The following OSR2 variants were observed in gnomAD, a reference collection of about 807,000 sequenced individuals.
The protein encoded by OSR2 is protein odd-skipped-related 2.
A neutral mutation model predicts 22.3 loss-of-function variants in OSR2; 8 were observed. That is an observed-to-expected ratio of 0.36 (90% CI 0.21 to 0.65). The LOEUF (loss-of-function observed/expected upper bound fraction) is 0.65, where lower values mean the gene tolerates loss of function less well. OSR2 is among the 30% of genes least tolerant of loss of function. The probability of loss-of-function intolerance (pLI) is 0.66; values close to 1 mark genes in which losing one functional copy is unlikely to be tolerated. For missense variants in OSR2, 311 were observed against 413.4 expected (o/e 0.75, Z 2.15); for synonymous variants, 179 against 173.8 (o/e 1.03, Z -0.23).
chr8:98,948,440 G>C lies in OSR2; in HGVS notation c.-114-399G>C. 8.7e-7 allele frequency: 1 copy of C among 1,154,706 alleles called. No homozygotes were observed. Among genetic ancestry groups the C allele is most frequent in the Non-Finnish European group, 1.1e-6 (1 of 930,386 alleles). The allele number at this position is 1,154,706 out of a possible 1,614,324, so 71.5% of individuals were successfully genotyped here. A position where few individuals can be genotyped will look rare whatever the true frequency, so the allele number is the denominator to read the frequency against. On this transcript the variant is annotated intron_variant, in intron 1 of 3. Transcript: ENST00000297565. The surrounding 1 kb of genome is among the most constrained non-coding windows in gnomAD (Gnocchi z 6.0). The stretch of plus-strand genomic sequence containing the variant: ...GACAGAGGTTCGCCCCGGCCTGCTA[G>C]CATTGGCATTGCGGTTGACTGAGCT...
rs1840669544 is a variant in OSR2 at position 98,948,278 on chromosome 8, C to T, written c.-114-561C>T. The stretch of plus-strand genomic sequence containing the variant: ...GGCCCAGGAGGATGAAGCGCGCCGG[C>T]TTCGCTCTTGCACGCCGGCTTGCCA... On this transcript the variant is annotated intron_variant, in intron 1 of 3. Transcript: ENST00000297565. This position sits in a 1 kb window ranked among gnomAD's most constrained non-coding sequence, Gnocchi z 6.0. The T allele has an allele frequency of 2.0e-6, 3 of 1,517,046 alleles. No individual in the cohort carries two copies. Among genetic ancestry groups the T allele is most frequent in the East Asian group, 2.5e-5 (1 of 40,122 alleles). 94.0% of individuals were successfully genotyped at this position (1,517,046 alleles called of 1,614,324 possible).
Position 98,948,452 on chromosome 8 carries a change from C to G in OSR2, c.-114-387C>G. 9.4e-7 allele frequency: 1 copy of G among 1,066,906 alleles called. No homozygotes were observed. The highest frequency in any genetic ancestry group is 1.9e-5 in the South Asian group (1 of 52,684). The allele number at this position is 1,066,906 out of a possible 1,614,324, so 66.1% of individuals were successfully genotyped here. A position where few individuals can be genotyped will look rare whatever the true frequency, so the allele number is the denominator to read the frequency against. On this transcript the variant is annotated intron_variant, in intron 1 of 3. Transcript: ENST00000297565. The surrounding 1 kb of genome is among the most constrained non-coding windows in gnomAD (Gnocchi z 6.0). ...CCCCGGCCTGCTAGCATTGGCATTG[C>G]GGTTGACTGAGCTTCGCCTAACAGG...
chr8:98,951,462 A>G (rs1373347345), intron 3 of OSR2, 57 bp from the exon 4 acceptor site: 2 of 1,471,748 alleles, frequency 1.4e-6, no homozygotes, highest in Non-Finnish European at 1.8e-6. Flanking sequence ...AAACTATTGA[A>G]AAGGGTGCAG....
chr8:98,951,144 T>A (rs983696546), intron 3 of OSR2: 1 of 456,614 alleles, frequency 2.2e-6, no homozygotes, highest in African/African-American at 2.0e-5. Context: ...GAGGAATAGT[T>A]TAGTTTTCCA....
At chr8:98,950,993 A>G in intron 3 of OSR2, 2 of 595,812 alleles carry the variant, frequency 3.4e-6, no homozygotes, top group East Asian at 2.8e-5. Context: ...CTAATTTTAG[A>G]ATTTTTTTCA....
chr8:98,949,335 A>G lies in OSR2; in HGVS notation c.383A>G (p.Glu128Gly), dbSNP rs748047740. Reference protein sequence around the residue: ...FANLAVAATQEDPPKMGDLSK... With the variant: ...FANLAVAATQGDPPKMGDLSK... ...AATTTGGCGGTGGCTGCCACGCAAG[A>G]GGATCCGCCTAAGATGGGAGACCTG... The change falls in exon 2 of 4, where the codon GAG becomes GGG. Residue 128 changes from glutamate (E) to glycine (G), a missense_variant. Around this residue, in one of 5 missense-constraint regions of OSR2, gnomAD observed 53 missense variants for 59.5 expected, o/e 0.89. Coordinates refer to ENST00000297565, the MANE Select transcript of OSR2 (RefSeq NM_001142462.3). This position sits in a 1 kb window ranked among gnomAD's most constrained non-coding sequence, Gnocchi z 5.9. The G allele has an allele frequency of 4.3e-6, 7 of 1,613,186 alleles. No homozygotes were observed. In the African/African-American group the frequency reaches 9.3e-5, roughly 22 times the overall value.
chr8:98,945,925 C>T (rs1221489134), intron 1 of OSR2: 1 of 152,186 alleles, frequency 6.6e-6, no homozygotes, highest in Admixed American at 6.5e-5. Flanking sequence ...CAGATGAACC[C>T]TGACTGTATA....
At position 98,948,904 on chromosome 8, in the gene OSR2, T is replaced by C. The variant is rs1208702372; in HGVS notation, c.-49T>C. ...GAGCCCCACGCCCTCCGGCCTCTGA[T>C]TCCTGGAAGAAAGGGTTGGTCCCCT... On this transcript the variant is annotated 5_prime_UTR_variant, in exon 2 of 4. Transcript: ENST00000297565. This position sits in a 1 kb window ranked among gnomAD's most constrained non-coding sequence, Gnocchi z 6.0. 1 of 1,613,468 alleles carries C rather than the reference T, an allele frequency of 6.2e-7. No homozygotes were observed. The highest frequency in any genetic ancestry group is 8.5e-7 in the Non-Finnish European group (1 of 1,179,852).
rs1217219852 is a variant in OSR2 at position 98,948,964 on chromosome 8, G to A, written c.12G>A (p.Lys4=). 5 of 1,613,968 alleles carry A rather than the reference G, an allele frequency of 3.1e-6. 1 individual carries two copies. Among genetic ancestry groups the A allele is most frequent in the African/African-American group, 1.3e-5 (1 of 75,066 alleles). The change falls in exon 2 of 4, where the codon AAG becomes AAA. Residue 4 remains lysine, a synonymous_variant. Coordinates refer to ENST00000297565, the MANE Select transcript of OSR2 (RefSeq NM_001142462.3). This position sits in a 1 kb window ranked among gnomAD's most constrained non-coding sequence, Gnocchi z 6.0. ...CAGCATCCCGGAAAATGGGGAGCAA[G>A]GCTCTGCCAGCGCCCATCCCGCTCC... MGS[K]ALPAPIPLHP... is the part of the protein sequence containing the mutation.
Position 98,950,994 on chromosome 8 carries a change from ATTT to A in OSR2, c.756+244_756+246del. The A allele has an allele frequency of 1.0e-5, 6 of 594,318 alleles. No homozygotes were observed. The South Asian group carries it at 1.3e-4, about 13-fold the overall frequency. The allele number at this position is 594,318 out of a possible 1,614,324, so 36.8% of individuals were successfully genotyped here. A position where few individuals can be genotyped will look rare whatever the true frequency, so the allele number is the denominator to read the frequency against. On this transcript the variant is annotated intron_variant, in intron 3 of 3. Transcript: ENST00000297565. ...GATTATCATAAATCCTAATTTTAGA[ATTT>A]TTTTCATCCAATCTGTCCTGCATTT... is the stretch of plus-strand genomic sequence containing the variant.
chr8:98,948,170 T>C lies in OSR2; in HGVS notation c.-114-669T>C, dbSNP rs1315573616. ...CTTTCCTGCGGCCCGTCACCGCTGA[T>C]AGATGGGGCTGAGGGCAGAGGAAGG... On this transcript the variant is annotated intron_variant, in intron 1 of 3. Coordinates refer to ENST00000297565, the MANE Select transcript of OSR2 (RefSeq NM_001142462.3). The surrounding 1 kb of genome is among the most constrained non-coding windows in gnomAD (Gnocchi z 6.0). The C allele has an allele frequency of 3.6e-6, 5 of 1,385,786 alleles. No individual in the cohort carries two copies. The South Asian group carries it at 8.1e-5, about 22-fold the overall frequency. 85.8% of individuals were successfully genotyped at this position (1,385,786 alleles called of 1,614,324 possible).
At position 98,951,727 on chromosome 8, in the gene OSR2, G is replaced by C; in HGVS notation, c.*26G>C. On this transcript the variant is annotated 3_prime_UTR_variant, in exon 4 of 4. Transcript: ENST00000297565. ...AGAAGCCCAGGATCTGTCCCGTGCC[G>C]CCGCTGCTCCCCTCCCCAGACACCT... 1 of 1,588,990 alleles carries C rather than the reference G, an allele frequency of 6.3e-7. No individual in the cohort carries two copies. The highest frequency in any genetic ancestry group is 8.6e-7 in the Non-Finnish European group (1 of 1,168,530).
chr8:98,948,489 T>C lies in OSR2; in HGVS notation c.-114-350T>C. The C allele has an allele frequency of 1.8e-4, 3 of 16,358 alleles. No individual in the cohort carries two copies. The highest frequency in any genetic ancestry group is 8.3e-4 in the African/African-American group (1 of 1,208). The allele number at this position is 16,358 out of a possible 1,614,324, so 1.0% of individuals were successfully genotyped here. On this transcript the variant is annotated intron_variant, in intron 1 of 3. Transcript: ENST00000297565. The surrounding 1 kb of genome is among the most constrained non-coding windows in gnomAD (Gnocchi z 6.0). ...CTTCGCCTAACAGGCTTGGGGAGGGTGGGCTGGGCTGGGCTGGGCTGGGCT... is the reference window on the plus strand; with the variant it reads ...CTTCGCCTAACAGGCTTGGGGAGGGCGGGCTGGGCTGGGCTGGGCTGGGCT...
At chr8:98,947,195 C>T (rs1840632851) in intron 1 of OSR2, among the ~76,000 whole-genome samples, 1 of 151,588 alleles carries the variant, frequency 6.6e-6, no homozygotes, top group Non-Finnish European at 1.5e-5. Flanking sequence ...AGCCTGAACT[C>T]CCAGACCGCA....
intron 3 of OSR2, 132 bp from the exon 4 acceptor site, chr8:98,951,387 C>A: frequency 1.1e-6 from 1 of 871,520 alleles, no homozygotes; most frequent in Non-Finnish European, 1.7e-6. Context: ...GGATTTGTTC[C>A]TGCAAGTCTC....
intron 1 of OSR2, chr8:98,946,108 C>T (rs923299587): frequency 9.2e-5 from 14 of 152,374 alleles, no homozygotes; most frequent in African/African-American, 3.4e-4. Context: ...AATTTCTCCA[C>T]ATGCCTGGAA....
At chr8:98,950,108 C>T (rs1424466964) in intron 2 of OSR2, among the ~76,000 whole-genome samples, 1 of 152,032 alleles carries the variant, frequency 6.6e-6, no homozygotes. Context: ...AAACAGCTCC[C>T]ACCTCCCTTC....
chr8:98,951,652 G>A lies in OSR2; in HGVS notation c.890G>A (p.Cys297Tyr). 1 of 1,613,912 alleles carries A rather than the reference G, an allele frequency of 6.2e-7. No homozygotes were observed. Among genetic ancestry groups the A allele is most frequent in the South Asian group, 1.1e-5 (1 of 91,046 alleles). The stretch of plus-strand genomic sequence containing the variant: ...TGCGGCAAAGTGTTCAGGCGAAACT[G>A]TGATCTGCGGCGGCACAGCCTGACT... ...EQCGKVFRRN[C>Y]DLRRHSLTHT... The change falls in exon 4 of 4, where the codon TGT (cysteine) becomes TAT (tyrosine). Residue 297 changes from cysteine (C) to tyrosine (Y), a missense_variant. Around this residue, in one of 5 missense-constraint regions of OSR2, gnomAD observed 70 missense variants for 84.5 expected, o/e 0.83. Transcript: ENST00000297565.
At position 98,951,687 on chromosome 8, in the gene OSR2, C is replaced by G; in HGVS notation, c.925C>G (p.Arg309Gly). 6.2e-7 allele frequency: 1 copy of G among 1,613,208 alleles called. No homozygotes were observed. Among genetic ancestry groups the G allele is most frequent in the African/African-American group, 1.3e-5 (1 of 75,034 alleles). The change falls in exon 4 of 4, where the codon CGG becomes GGG. Residue 309 changes from arginine (R) to glycine (G), a missense_variant. By Grantham distance (125) the Arg-to-Gly change is moderately radical (BLOSUM62 -2). This residue lies in a region of OSR2 where 70 missense variants were observed against 84.5 expected (regional missense o/e 0.83). Coordinates refer to ENST00000297565, the MANE Select transcript of OSR2 (RefSeq NM_001142462.3). ...GCGGCACAGCCTGACTCACACCCCG[C>G]GGCAGGACTTCTAGAGAAGCCCAGG... ...LRRHSLTHTP[R>G]QDF
Sources: gnomAD v4.1 joint callset for allele counts (sites outside exome capture counted in the v4.1 genomes callset) on GRCh38, gnomAD v4.1.1 for gene constraint, gnomAD v4.1.1 regional missense constraint, Gnocchi (gnomAD v3.1) non-coding constraint, MANE v1.5 for transcripts, NCBI Gene and HGNC (gene_info 2026-07-23, HGNC 2026-07-21) for gene names.